Variants in PMFBP1 observed in about 807,000 individuals in gnomAD.
The protein encoded by PMFBP1 is polyamine modulated factor 1 binding protein 1.
In PMFBP1, 131 loss-of-function variants were observed where a neutral mutation model predicts 137.8. That is an observed-to-expected ratio of 0.95 (90% CI 0.82 to 1.10). The LOEUF is 1.10. Ranked by LOEUF, PMFBP1 falls within the 50% of genes least tolerant of loss-of-function variation. The pLI is 0.00. For missense variants in PMFBP1, 1,199 were observed against 1,175.4 expected, an observed-to-expected ratio of 1.02 and a Z score of -0.29; for synonymous variants, 490 against 450.4, an observed-to-expected ratio of 1.09 and a Z score of -1.11.
the PMFBP1 span, among the ~76,000 whole-genome samples, chr16:72,235,854 G>A: frequency 6.6e-6 from 1 of 152,042 alleles, no homozygotes; most frequent in Non-Finnish European, 1.5e-5. Flanking sequence ...GTGCAACACT[G>A]CTGAACTTGT....
At chr16:72,201,837 C>G in the PMFBP1 span, among the ~76,000 whole-genome samples, 1 of 152,106 alleles carries the variant, frequency 6.6e-6, no homozygotes, top group African/African-American at 2.4e-5. Context: ...ATGAAAAGAT[C>G]AGATATATTG....
Position 72,136,762 on chromosome 16 carries a change from G to C in PMFBP1, c.976C>G (p.Gln326Glu). The C allele has an allele frequency of 1.9e-6, 3 of 1,614,156 alleles. No individual in the cohort carries two copies. The South Asian group carries it at 3.3e-5, about 18-fold the overall frequency. The stretch of plus-strand genomic sequence containing the variant: ...ACGCGCAGATCCTTCACCAGGTTCT[G>C]GTACTCCTCCACATGCAGGCACTGG... ...DSQCLHVEEY[Q>E]NLVKDLRVEL... Residue 326 changes from glutamine to glutamate, a missense_variant, in exon 8 of 21, where the codon CAG becomes GAG. Coordinates refer to ENST00000237353, the MANE Select transcript of PMFBP1 (RefSeq NM_031293.3).
chr16:72,187,111 T>A, the PMFBP1 span, among the ~76,000 whole-genome samples: 203 of 109,492 alleles, frequency 1.9e-3, 1 homozygote, highest in East Asian at 0.052. Context: ...AGACTCCATC[T>A]CAAAAAAAAA....
chr16:72,229,335 T>C, the PMFBP1 span, among the ~76,000 whole-genome samples: 3 of 152,216 alleles, frequency 2.0e-5, no homozygotes, highest in Non-Finnish European at 4.4e-5. Context: ...TGTGTCTTTA[T>C]GGTAGAACAA....
intron 9 of PMFBP1, among the ~76,000 whole-genome samples, chr16:72,133,483 ATTATC>A (rs2042579028): frequency 6.6e-6 from 1 of 151,784 alleles, no homozygotes; most frequent in African/African-American, 2.4e-5. Context: ...CCAGCCGTTT[ATTATC>A]TTAGTTTAGT....
chr16:72,158,388 C>T (rs761483139), intron 3 of PMFBP1, among the ~76,000 whole-genome samples: 3 of 152,150 alleles, frequency 2.0e-5, no homozygotes, highest in Admixed American at 6.5e-5. Flanking sequence ...TTGTTAAGGG[C>T]TTTCATTCTT....
chr16:72,168,885 G>A (rs2043182764), intron 2 of PMFBP1, among the ~76,000 whole-genome samples: 1 of 152,106 alleles, frequency 6.6e-6, no homozygotes, highest in African/African-American at 2.4e-5. Context: ...GATTAAATGG[G>A]TCTTTTGTCA....
intron 15 of PMFBP1, among the ~76,000 whole-genome samples, chr16:72,125,738 G>A (rs575868791): frequency 6.6e-6 from 1 of 152,200 alleles, no homozygotes; most frequent in Admixed American, 6.5e-5. Context: ...GGGCAGAAAG[G>A]CTTGCTAGAT....
chr16:72,144,159 T>C (rs2042767106), intron 5 of PMFBP1, among the ~76,000 whole-genome samples: 2 of 152,112 alleles, frequency 1.3e-5, no homozygotes, highest in South Asian at 2.1e-4. Context: ...CAGAGAAAAG[T>C]ACAAAATCTT....
intron 15 of PMFBP1, 34 bp from the exon 16 acceptor site, chr16:72,125,439 C>A: frequency 6.2e-7 from 1 of 1,600,034 alleles, no homozygotes. Context: ...GAATGGCTGT[C>A]AGAGACTTTG....
intron 3 of PMFBP1, among the ~76,000 whole-genome samples, chr16:72,159,895 C>T (rs944949772): frequency 2.0e-5 from 3 of 151,060 alleles, no homozygotes; most frequent in East Asian, 1.9e-4. Flanking sequence ...AAAATAAGTA[C>T]GTTGGAAATG....
the PMFBP1 span, among the ~76,000 whole-genome samples, chr16:72,206,266 C>T: frequency 6.6e-6 from 1 of 152,160 alleles, no homozygotes; most frequent in Non-Finnish European, 1.5e-5. Context: ...TGAGATCATG[C>T]CTGTGACAGT....
At chr16:72,190,656 CAG>C in the PMFBP1 span, among the ~76,000 whole-genome samples, 9 of 151,964 alleles carry the variant, frequency 5.9e-5, no homozygotes, top group Admixed American at 5.2e-4. Flanking sequence ...GGCGGGAGAA[CAG>C]AGAGTTGCAG....
At chr16:72,137,234 C>T (rs1350501020) in intron 7 of PMFBP1, among the ~76,000 whole-genome samples, 3 of 152,190 alleles carry the variant, frequency 2.0e-5, no homozygotes, top group African/African-American at 7.2e-5. Context: ...GGAGAATCTA[C>T]TGTGTGCCCG....
the PMFBP1 span, among the ~76,000 whole-genome samples, chr16:72,213,537 G>A: frequency 6.6e-6 from 1 of 152,282 alleles, no homozygotes; most frequent in Non-Finnish European, 1.5e-5. Context: ...ACTGGAGTGG[G>A]CTTGGAAGTA....
chr16:72,173,090 C>T (rs2144538805), upstream of PMFBP1, among the ~76,000 whole-genome samples: 1 of 152,350 alleles, frequency 6.6e-6, no homozygotes, highest in South Asian at 2.1e-4. Flanking sequence ...CCTGGTTCAG[C>T]ACCTCACTGG....
chr16:72,230,188 G>T, the PMFBP1 span, among the ~76,000 whole-genome samples: 1 of 152,072 alleles, frequency 6.6e-6, no homozygotes, highest in Non-Finnish European at 1.5e-5. Flanking sequence ...GGATAATAGA[G>T]TTCCAAGTTT....
intron 3 of PMFBP1, among the ~76,000 whole-genome samples, chr16:72,155,827 CA>C (rs1233932336): frequency 6.6e-6 from 1 of 152,106 alleles, no homozygotes; most frequent in Non-Finnish European, 1.5e-5. Flanking sequence ...ATCAACCCCC[CA>C]CGTTTCCTCA....
intron 14 of PMFBP1, chr16:72,128,340 C>G: frequency 7.8e-7 from 1 of 1,287,800 alleles, no homozygotes; most frequent in Non-Finnish European, 1.0e-6. Context: ...TGGAAGTGTT[C>G]CCTAGCAAAT....
Sources: allele counts gnomAD v4.1 joint callset (sites outside exome capture counted in the v4.1 genomes callset), GRCh38; gene constraint gnomAD v4.1.1; transcripts MANE v1.5; gene names NCBI Gene and HGNC (gene_info 2026-07-23, HGNC 2026-07-21).